Variants in GABRG3 observed in about 807,000 individuals in gnomAD.
GABRG3 encodes gamma-aminobutyric acid receptor subunit gamma-3.
A neutral mutation model predicts 48.8 loss-of-function variants in GABRG3; 25 were observed. That is an observed-to-expected ratio of 0.51 (90% CI 0.37 to 0.72). The LOEUF is 0.72. Among genes scored for constraint, GABRG3 ranks in the 30% least tolerant of loss-of-function variants. The probability of loss-of-function intolerance (pLI) is 0.00; values close to 1 mark genes in which losing one functional copy is unlikely to be tolerated. For synonymous variants in GABRG3, 227 were observed against 217.6 expected, an observed-to-expected ratio of 1.04 and a Z score of -0.38; for missense variants, 394 against 577.9, an observed-to-expected ratio of 0.68 and a Z score of 3.26.
At chr15:27,328,731 A>C in intron 4 of GABRG3, 75 bp from the exon 5 acceptor site, 1 of 1,249,584 alleles carries the variant, frequency 8.0e-7, no homozygotes, top group Non-Finnish European at 1.2e-6. Context: ...CCATCCCCAC[A>C]TGGGGTGCCG....
At chr15:27,172,574 G>A (rs554118020) in intron 3 of GABRG3, among the ~76,000 whole-genome samples, 21 of 152,164 alleles carry the variant, frequency 1.4e-4, no homozygotes, top group African/African-American at 4.6e-4. Flanking sequence ...CTGGCTGTTC[G>A]GCACTCAGAA....
chr15:27,130,745 GTTTA>G (rs1361725567), intron 3 of GABRG3, among the ~76,000 whole-genome samples: 2 of 151,956 alleles, frequency 1.3e-5, no homozygotes. Context: ...CATTGGTTCA[GTTTA>G]TTTGAGTGTC....
At chr15:27,528,055 G>T in intron 9 of GABRG3, 63 bp downstream of exon 9, 1 of 1,224,372 alleles carries the variant, frequency 8.2e-7, no homozygotes, top group South Asian at 1.3e-5. Flanking sequence ...GATTGCATTT[G>T]AAAGATAGAT....
At chr15:27,362,717 C>T (rs569292717) in intron 5 of GABRG3, 2 of 152,184 alleles carry the variant, frequency 1.3e-5, no homozygotes, top group Non-Finnish European at 2.9e-5. Flanking sequence ...CCCCCAGGAG[C>T]CTTTTACTCA....
At chr15:27,088,671 G>A (rs1897130716) in intron 3 of GABRG3, among the ~76,000 whole-genome samples, 1 of 152,124 alleles carries the variant, frequency 6.6e-6, no homozygotes, top group African/African-American at 2.4e-5. Context: ...GGCCAGGAGA[G>A]AGCGAGCACC....
Position 27,096,138 on chromosome 15 carries a change from G to T in GABRG3, c.270+69317G>T, listed in dbSNP as rs139784796. On this transcript the variant is annotated intron_variant, in intron 3 of 9. Coordinates refer to ENST00000615808, the MANE Select transcript of GABRG3 (RefSeq NM_033223.5). ...ACAAATTGTTCTTTCACGATTCACA[G>T]TGGGCACCGTCACACAAAGCAGGGT... 1.2e-3 allele frequency among the ~76,000 whole-genome samples: 187 copies of T among 152,334 alleles called. 3 individuals carry two copies. In the East Asian group the frequency reaches 0.023, roughly 19 times the overall value.
At chr15:27,522,601 A>C (rs1321463475) in intron 7 of GABRG3, among the ~76,000 whole-genome samples, 1 of 151,816 alleles carries the variant, frequency 6.6e-6, no homozygotes, top group African/African-American at 2.4e-5. Flanking sequence ...AAATGGGTGA[A>C]GTAATTCTAA....
intron 3 of GABRG3, among the ~76,000 whole-genome samples, chr15:27,200,489 A>G (rs1179677461): frequency 6.6e-6 from 1 of 152,150 alleles, no homozygotes; most frequent in Non-Finnish European, 1.5e-5. Flanking sequence ...TAGGTGCTGC[A>G]TGCAACCTCG....
chr15:27,015,136 TC>T (rs1895754518), intron 2 of GABRG3, among the ~76,000 whole-genome samples: 1 of 152,200 alleles, frequency 6.6e-6, no homozygotes, highest in Admixed American at 6.5e-5. Flanking sequence ...TCTCATCCTT[TC>T]ACTTTTAACC....
chr15:27,218,423 C>T (rs1231850503), intron 3 of GABRG3, among the ~76,000 whole-genome samples: 2 of 152,172 alleles, frequency 1.3e-5, no homozygotes, highest in African/African-American at 2.4e-5. Context: ...CATCTTTCTG[C>T]ACTTGTTGAT....
At chr15:27,243,681 C>T (rs1213904886) in intron 3 of GABRG3, among the ~76,000 whole-genome samples, 1 of 152,224 alleles carries the variant, frequency 6.6e-6, no homozygotes, top group East Asian at 1.9e-4. Flanking sequence ...AGAGTTCTGT[C>T]TTTCTATATG....
rs140457448 is a variant in GABRG3 at position 27,510,353 on chromosome 15, C to A, written c.713-9619C>A. Among the ~76,000 whole-genome samples the A allele has an allele frequency of 8.5e-5, 13 of 152,300 alleles. No homozygotes were observed. The East Asian group carries it at 2.1e-3, about 25-fold the overall frequency. On this transcript the variant is annotated intron_variant, in intron 6 of 9. Transcript: ENST00000615808. ...TGGGCCCAACGGTACTGCCATCTCT[C>A]CCCCAGGGGTAGTGCTTGCTTGCTT...
intron 3 of GABRG3, among the ~76,000 whole-genome samples, chr15:27,279,041 G>T (rs1891347815): frequency 6.6e-6 from 1 of 152,122 alleles, no homozygotes; most frequent in Admixed American, 6.6e-5. Context: ...CGGAACTAAG[G>T]TTAATGAAGT....
In GABRG3 at chr15:27,360,236, A is replaced by T. The variant is rs374703415; in HGVS notation, c.574+31348A>T. Among the ~76,000 whole-genome samples the T allele has an allele frequency of 2.3e-4, 35 of 152,286 alleles. 1 individual carries two copies. Among genetic ancestry groups the T allele is most frequent in the East Asian group, 1.4e-3 (7 of 5,158 alleles). ...ACAGACTTAGACACACACAGTGTTCATCCAGCACGAGTAGCCCTCTCAGGT... is the reference window on the plus strand; with the variant it reads ...ACAGACTTAGACACACACAGTGTTCTTCCAGCACGAGTAGCCCTCTCAGGT... On this transcript the variant is annotated intron_variant, in intron 5 of 9. Transcript: ENST00000615808.
chr15:27,495,606 G>A (rs1890466891), intron 6 of GABRG3, among the ~76,000 whole-genome samples: 1 of 152,122 alleles, frequency 6.6e-6, no homozygotes. Flanking sequence ...TGTGTTCTGA[G>A]GAGAACACAA....
At chr15:27,271,246 G>A (rs1891076078) in intron 3 of GABRG3, among the ~76,000 whole-genome samples, 1 of 152,214 alleles carries the variant, frequency 6.6e-6, no homozygotes, top group Admixed American at 6.5e-5. Context: ...CCTGCACGCT[G>A]AAAGGGCTTG....
intron 3 of GABRG3, among the ~76,000 whole-genome samples, chr15:27,033,441 G>C (rs1175645813): frequency 1.3e-5 from 2 of 152,116 alleles, no homozygotes; most frequent in Non-Finnish European, 2.9e-5. Flanking sequence ...TGGATAGCTA[G>C]CAAGGAAGTA....
intron 3 of GABRG3, among the ~76,000 whole-genome samples, chr15:27,124,078 G>A (rs1439735804): frequency 6.6e-6 from 1 of 152,164 alleles, no homozygotes; most frequent in East Asian, 1.9e-4. Flanking sequence ...CGGTGAGGAG[G>A]TCAACCCTCA....
intron 5 of GABRG3, among the ~76,000 whole-genome samples, chr15:27,397,046 T>C (rs947528330): frequency 6.6e-6 from 1 of 152,046 alleles, no homozygotes; most frequent in African/African-American, 2.4e-5. Context: ...TCAAACCCAA[T>C]AGAACTGCAC....
Sources: gnomAD v4.1 joint callset for allele counts (sites outside exome capture counted in the v4.1 genomes callset) on GRCh38, gnomAD v4.1.1 for gene constraint, MANE v1.5 for transcripts, NCBI Gene and HGNC (gene_info 2026-07-23, HGNC 2026-07-21) for gene names.